FZD3: variants seen among roughly 807,000 people sequenced by gnomAD.
FZD3 encodes the protein frizzled-3.
In FZD3, 30 loss-of-function variants were observed where a neutral mutation model predicts 60.7. That is an observed-to-expected ratio of 0.49 (90% CI 0.37 to 0.67). The LOEUF (loss-of-function observed/expected upper bound fraction) is 0.67, where lower values mean the gene tolerates loss of function less well. Ranked by LOEUF, FZD3 falls within the 30% of genes least tolerant of loss-of-function variation. FZD3 has a pLI of 0.00. For missense variants in FZD3, 605 were observed against 838.7 expected, an observed-to-expected ratio of 0.72 and a Z score of 3.44; for synonymous variants, 246 against 275.2, an observed-to-expected ratio of 0.89 and a Z score of 1.05.
At chr8:28,562,292 T>C (rs940136122) in intron 7 of FZD3, among the ~76,000 whole-genome samples, 1 of 152,152 alleles carries the variant, frequency 6.6e-6, no homozygotes, top group African/African-American at 2.4e-5. Flanking sequence ...TCATCATTGC[T>C]TGCCAGTTTA....
Position 28,564,707 on chromosome 8 carries a change from C to T in FZD3, c.*1696C>T, listed in dbSNP as rs961716469. 6.6e-6 allele frequency: 1 copy of T among 152,156 alleles called. No homozygotes were observed. Among genetic ancestry groups the T allele is most frequent in the African/African-American group, 2.4e-5 (1 of 41,436 alleles). 9.4% of individuals were successfully genotyped at this position (152,156 alleles called of 1,614,324 possible). ...TTTAAAATCTGTAGTTATAAAAATA[C>T]CGCAGGTGATTCTTACGGAGGTAAT... On this transcript the variant is annotated 3_prime_UTR_variant, in exon 8 of 8. Transcript: ENST00000240093.
intron 5 of FZD3, among the ~76,000 whole-genome samples, chr8:28,535,664 T>C (rs1408798272): frequency 5.9e-5 from 9 of 152,110 alleles, no homozygotes; most frequent in Non-Finnish European, 2.9e-5. Context: ...ATGCCTAAAT[T>C]CTGAATTAAT....
chr8:28,570,512 C>A lies in FZD3; in HGVS notation c.*7501C>A, dbSNP rs1805786694. 6.6e-6 allele frequency: 1 copy of A among 152,192 alleles called. No homozygotes were observed. The highest frequency in any genetic ancestry group is 1.5e-5 in the Non-Finnish European group (1 of 68,196). 9.4% of individuals were successfully genotyped at this position (152,192 alleles called of 1,614,324 possible). On this transcript the variant is annotated 3_prime_UTR_variant, in exon 8 of 8. Transcript: ENST00000240093. Reference sequence around the variant, plus strand: ...TGGTGGCGGGCACCTGTAGTCCCAGCCACTCGGGAGGCTGAGGCAGGAGAA... The same window carrying A: ...TGGTGGCGGGCACCTGTAGTCCCAGACACTCGGGAGGCTGAGGCAGGAGAA...
intron 6 of FZD3, 77 bp from the exon 7 acceptor site, chr8:28,555,661 A>G: frequency 2.5e-6 from 2 of 799,602 alleles, no homozygotes; most frequent in Non-Finnish European, 4.3e-6. Context: ...GAATAATATC[A>G]GTGTTTCAGA....
chr8:28,573,732 A>G lies in FZD3; in HGVS notation c.*10721A>G, dbSNP rs1448445627. On this transcript the variant is annotated 3_prime_UTR_variant, in exon 8 of 8. Coordinates refer to ENST00000240093, the MANE Select transcript of FZD3 (RefSeq NM_017412.4). Reference sequence around the variant, plus strand: ...AAAAAAAAAAGTCTTTCCCCATTTTACTGTTACAATTTTTCAAGAGCTATA... The same window carrying G: ...AAAAAAAAAAGTCTTTCCCCATTTTGCTGTTACAATTTTTCAAGAGCTATA... 6.6e-6 allele frequency: 1 copy of G among 151,546 alleles called. No individual in the cohort carries two copies. The highest frequency in any genetic ancestry group is 1.5e-5 in the Non-Finnish European group (1 of 67,876). The allele number at this position is 151,546 out of a possible 1,614,324, so 9.4% of individuals were successfully genotyped here.
Position 28,567,472 on chromosome 8 carries a change from G to A in FZD3, c.*4461G>A, listed in dbSNP as rs1392202292. The stretch of plus-strand genomic sequence containing the variant: ...ATTTTAATTTTTTTAATTTTTTGTA[G>A]AGATGAGTCTCACTATGTTGACCAG... On this transcript the variant is annotated 3_prime_UTR_variant, in exon 8 of 8. Transcript: ENST00000240093. The A allele has an allele frequency of 6.6e-6, 1 of 152,086 alleles. No homozygotes were observed. The highest frequency in any genetic ancestry group is 1.5e-5 in the Non-Finnish European group (1 of 68,104). The allele number at this position is 152,086 out of a possible 1,614,324, so 9.4% of individuals were successfully genotyped here. A position where few individuals can be genotyped will look rare whatever the true frequency, so the allele number is the denominator to read the frequency against.
rs992420647 is a variant in FZD3 at position 28,573,423 on chromosome 8, A to G, written c.*10412A>G. 1 of 151,976 alleles carries G rather than the reference A, an allele frequency of 6.6e-6. No individual in the cohort carries two copies. Among genetic ancestry groups the G allele is most frequent in the Non-Finnish European group, 1.5e-5 (1 of 67,998 alleles). The allele number at this position is 151,976 out of a possible 1,614,324, so 9.4% of individuals were successfully genotyped here. Reference sequence around the variant, plus strand: ...GGACTATTTTGAGGCAAGAGATACCATTAAGTGACCTAGCTTGGAAATCTG... The same window carrying G: ...GGACTATTTTGAGGCAAGAGATACCGTTAAGTGACCTAGCTTGGAAATCTG... On this transcript the variant is annotated 3_prime_UTR_variant, in exon 8 of 8. Coordinates refer to ENST00000240093, the MANE Select transcript of FZD3 (RefSeq NM_017412.4).
chr8:28,533,195 G>A (rs1430161983), intron 5 of FZD3, among the ~76,000 whole-genome samples: 1 of 151,628 alleles, frequency 6.6e-6, no homozygotes, highest in Non-Finnish European at 1.5e-5. Context: ...TCTTGTTAAA[G>A]GATTTTTCTT....
At position 28,571,349 on chromosome 8, in the gene FZD3, T is replaced by G. The variant is rs529094485; in HGVS notation, c.*8338T>G. ...GCAGAAACATTTAATGTGAAATAAT[T>G]CTGTATTTCTGAGACAAGATCAACA... On this transcript the variant is annotated 3_prime_UTR_variant, in exon 8 of 8. Transcript: ENST00000240093. 1.4e-4 allele frequency: 21 copies of G among 152,156 alleles called. No individual in the cohort carries two copies. The highest frequency in any genetic ancestry group is 2.5e-4 in the Non-Finnish European group (17 of 68,016). The allele number at this position is 152,156 out of a possible 1,614,324, so 9.4% of individuals were successfully genotyped here.
chr8:28,564,543 A>G lies in FZD3; in HGVS notation c.*1532A>G, dbSNP rs1041315883. 6.6e-6 allele frequency: 1 copy of G among 151,588 alleles called. No individual in the cohort carries two copies. The highest frequency in any genetic ancestry group is 1.5e-5 in the Non-Finnish European group (1 of 68,006). 9.4% of individuals were successfully genotyped at this position (151,588 alleles called of 1,614,324 possible). ...TTGCCCCTGATGATCTGTCGGCATC[A>G]TATATCACATGAACATCCACATGGA... is the stretch of plus-strand genomic sequence containing the variant. On this transcript the variant is annotated 3_prime_UTR_variant, in exon 8 of 8. Coordinates refer to ENST00000240093, the MANE Select transcript of FZD3 (RefSeq NM_017412.4).
Position 28,532,135 on chromosome 8 carries a change from G to GT in FZD3, c.1404+3974dup, listed in dbSNP as rs543738893. ...GTAATGCAACCTCTGTCATGCACAA[G>GT]TTTCATTTTTAGGCTCTCTCATTTG... On this transcript the variant is annotated intron_variant, in intron 5 of 7. Coordinates refer to ENST00000240093, the MANE Select transcript of FZD3 (RefSeq NM_017412.4). Among the ~76,000 whole-genome samples the GT allele has an allele frequency of 6.6e-4, 100 of 152,270 alleles. No homozygotes were observed. The East Asian group carries it at 0.018, about 28-fold the overall frequency.
intron 5 of FZD3, among the ~76,000 whole-genome samples, chr8:28,535,480 A>T (rs1297000437): frequency 6.6e-6 from 1 of 152,234 alleles, no homozygotes; most frequent in African/African-American, 2.4e-5. Flanking sequence ...GATCCCATCC[A>T]GGAGATGACA....
At chr8:28,523,980 C>T (rs1804651837) in intron 4 of FZD3, among the ~76,000 whole-genome samples, 2 of 152,094 alleles carry the variant, frequency 1.3e-5, no homozygotes, top group African/African-American at 4.8e-5. Flanking sequence ...CTCTCTCTCC[C>T]TTTTGCCATG....
At chr8:28,524,666 G>A (rs1363527773) in intron 4 of FZD3, among the ~76,000 whole-genome samples, 1 of 152,010 alleles carries the variant, frequency 6.6e-6, no homozygotes, top group South Asian at 2.1e-4. Context: ...TTCGGTTCCT[G>A]TTCTCCACAG....
At chr8:28,523,162 C>T (rs929559648) in intron 4 of FZD3, among the ~76,000 whole-genome samples, 1 of 152,176 alleles carries the variant, frequency 6.6e-6, no homozygotes, top group African/African-American at 2.4e-5. Context: ...ATTTGTGCTG[C>T]TATAACAAAA....
chr8:28,544,959 G>A (rs1032935691), intron 5 of FZD3, among the ~76,000 whole-genome samples: 2 of 152,124 alleles, frequency 1.3e-5, no homozygotes, highest in Non-Finnish European at 2.9e-5. Context: ...GTAGCGAGAG[G>A]GCTCAGTGTA....
intron 4 of FZD3, among the ~76,000 whole-genome samples, chr8:28,525,083 T>A (rs1414000113): frequency 6.6e-6 from 1 of 152,218 alleles, no homozygotes; most frequent in Non-Finnish European, 1.5e-5. Context: ...CGCTCAAGTC[T>A]GTCTTTTACA....
In FZD3 at chr8:28,511,075, G is replaced by C. The variant is rs148853393; in HGVS notation, c.189+7873G>C. Among the ~76,000 whole-genome samples the C allele has an allele frequency of 1.7e-3, 252 of 152,058 alleles. 3 individuals are homozygous for C. The highest frequency in any genetic ancestry group is 5.9e-3 in the African/African-American group (243 of 41,486). ...TTAAATAAAATAACATTGCCGGCAAGGTGCGGTGGCTCATGCCTGTAATCC... is the reference window on the plus strand; with the variant it reads ...TTAAATAAAATAACATTGCCGGCAACGTGCGGTGGCTCATGCCTGTAATCC... On this transcript the variant is annotated intron_variant, in intron 3 of 7. Coordinates refer to ENST00000240093, the MANE Select transcript of FZD3 (RefSeq NM_017412.4).
At chr8:28,505,459 C>T (rs930195419) in intron 3 of FZD3, among the ~76,000 whole-genome samples, 2 of 152,114 alleles carry the variant, frequency 1.3e-5, no homozygotes, top group Non-Finnish European at 2.9e-5. Flanking sequence ...TCAGGTGATC[C>T]TCTGCCTCAG....
Sources: allele counts gnomAD v4.1 joint callset (sites outside exome capture counted in the v4.1 genomes callset), GRCh38; gene constraint gnomAD v4.1.1; transcripts MANE v1.5; gene names NCBI Gene and HGNC (gene_info 2026-07-23, HGNC 2026-07-21).